The following MCC variants were observed in gnomAD, a reference collection of about 807,000 sequenced individuals.
MCC encodes MCC regulator of Wnt signaling pathway, also known as colorectal mutant cancer protein.
A neutral mutation model predicts 116.2 loss-of-function variants in MCC; 90 were observed. The ratio of observed to expected loss-of-function variants is 0.77; its 90% CI spans 0.65 to 0.92. The LOEUF (loss-of-function observed/expected upper bound fraction) is 0.92, where lower values mean the gene tolerates loss of function less well. MCC is among the 40% of genes least tolerant of loss of function. The pLI is 0.00. For synonymous variants in MCC, 578 were observed against 510.5 expected, an observed-to-expected ratio of 1.13 and a Z score of -1.78; for missense variants, 1,516 against 1,312.2, an observed-to-expected ratio of 1.16 and a Z score of -2.40.
At chr5:113,411,577 T>C (rs1769993477) in intron 1 of MCC, among the ~76,000 whole-genome samples, 1 of 151,670 alleles carries the variant, frequency 6.6e-6, no homozygotes, top group Non-Finnish European at 1.5e-5. Flanking sequence ...TTTTCAGGAG[T>C]AATTCTTAAC....
chr5:113,295,302 A>C (rs1271352838), intron 3 of MCC, among the ~76,000 whole-genome samples: 2 of 152,184 alleles, frequency 1.3e-5, no homozygotes, highest in African/African-American at 4.8e-5. Context: ...ACGGAACATT[A>C]AGATTTTACA....
At position 113,109,215 on chromosome 5, in the gene MCC, C is replaced by T. The variant is rs878960322; in HGVS notation, c.1028-4860G>A. Among the ~76,000 whole-genome samples, 4 of 152,164 alleles carry T rather than the reference C, an allele frequency of 2.6e-5. No homozygotes were observed. In the East Asian group the frequency reaches 5.8e-4, roughly 22 times the overall value. On this transcript the variant is annotated intron_variant, in intron 6 of 18. Coordinates refer to ENST00000408903, the MANE Select transcript of MCC (RefSeq NM_001085377.2). The stretch of plus-strand genomic sequence containing the variant: ...AGCAGTGACTCAAATAATTGTACCC[C>T]GATGTTCATAGCAGCATTATTCACA...
intron 1 of MCC, among the ~76,000 whole-genome samples, chr5:113,409,465 C>T (rs1023483458): frequency 1.3e-5 from 2 of 152,074 alleles, no homozygotes; most frequent in Non-Finnish European, 2.9e-5. Flanking sequence ...AATCCTCCTG[C>T]CTTAGCCTCC....
At chr5:113,268,802 G>C (rs1765508386) in intron 3 of MCC, among the ~76,000 whole-genome samples, 2 of 152,088 alleles carry the variant, frequency 1.3e-5, no homozygotes. Flanking sequence ...CAAGCATCTA[G>C]AATGTCCAAG....
chr5:113,484,477 A>G (rs987033952), intron 1 of MCC, among the ~76,000 whole-genome samples: 5 of 152,190 alleles, frequency 3.3e-5, no homozygotes, highest in Non-Finnish European at 7.3e-5. Flanking sequence ...GAGAAAACAG[A>G]TATGATTTCT....
chr5:113,357,380 C>A (rs961492805), intron 2 of MCC, among the ~76,000 whole-genome samples: 1 of 152,144 alleles, frequency 6.6e-6, no homozygotes, highest in South Asian at 2.1e-4. Flanking sequence ...AATTGACACC[C>A]AACCAGTGCC....
intron 3 of MCC, among the ~76,000 whole-genome samples, chr5:113,164,733 G>T (rs1398022304): frequency 1.3e-5 from 2 of 152,194 alleles, no homozygotes; most frequent in Non-Finnish European, 1.5e-5. Context: ...GGTATCCAGG[G>T]TCACACATTT....
At chr5:113,255,998 C>A (rs1369987720) in intron 3 of MCC, among the ~76,000 whole-genome samples, 2 of 152,228 alleles carry the variant, frequency 1.3e-5, no homozygotes, top group Non-Finnish European at 2.9e-5. Context: ...CCAACAAACT[C>A]TTATTCACTG....
intron 3 of MCC, among the ~76,000 whole-genome samples, chr5:113,281,130 G>T (rs1002503628): frequency 6.6e-6 from 1 of 152,192 alleles, no homozygotes; most frequent in Non-Finnish European, 1.5e-5. Context: ...AATAAAAAAG[G>T]TAGCTATAAA....
At chr5:113,448,413 G>T (rs573805866) in intron 1 of MCC, 1 of 151,946 alleles carries the variant, frequency 6.6e-6, no homozygotes, top group African/African-American at 2.4e-5. Context: ...TAAACACTTT[G>T]TTTAAATATT....
chr5:113,088,745 T>G (rs954653256), intron 8 of MCC, among the ~76,000 whole-genome samples: 5 of 152,116 alleles, frequency 3.3e-5, no homozygotes, highest in African/African-American at 1.2e-4. Flanking sequence ...TGCTAACACC[T>G]TGAGTTTGGA....
At chr5:113,261,283 G>A (rs1261778263) in intron 3 of MCC, among the ~76,000 whole-genome samples, 1 of 152,098 alleles carries the variant, frequency 6.6e-6, no homozygotes, top group African/African-American at 2.4e-5. Context: ...ACTGAATACT[G>A]TATTAGAAGT....
In MCC at chr5:113,319,478, TC is replaced by T. The variant is rs780923146; in HGVS notation, c.627+21040del. ...TGTGCCACCTGTATTCACTGTGTCT[TC>T]CACCTGTGGCATGCTGGCCTTGTTT... On this transcript the variant is annotated intron_variant, in intron 3 of 18. Coordinates refer to ENST00000408903, the MANE Select transcript of MCC (RefSeq NM_001085377.2). Among the ~76,000 whole-genome samples the T allele has an allele frequency of 7.9e-5, 12 of 152,290 alleles. No homozygotes were observed. In the South Asian group the frequency reaches 2.3e-3, roughly 29 times the overall value.
chr5:113,127,266 G>C (rs775612858), intron 5 of MCC, among the ~76,000 whole-genome samples: 1 of 152,162 alleles, frequency 6.6e-6, no homozygotes, highest in Non-Finnish European at 1.5e-5. Flanking sequence ...GGGCATTTAG[G>C]TTGATTCCAT....
chr5:113,105,989 A>G (rs1414657110), intron 6 of MCC, among the ~76,000 whole-genome samples: 1 of 152,152 alleles, frequency 6.6e-6, no homozygotes, highest in Admixed American at 6.5e-5. Context: ...GACCAATTAA[A>G]TCACAATCTC....
At chr5:113,264,894 T>C (rs1464846769) in intron 3 of MCC, among the ~76,000 whole-genome samples, 1 of 151,948 alleles carries the variant, frequency 6.6e-6, no homozygotes, top group Admixed American at 6.6e-5. Context: ...ATACAAAAAT[T>C]AGCCAGGTGT....
intron 3 of MCC, among the ~76,000 whole-genome samples, chr5:113,167,408 C>A (rs1481352971): frequency 6.6e-6 from 1 of 152,082 alleles, no homozygotes. Flanking sequence ...CTGAGGGCTA[C>A]CCGGAAAAGT....
chr5:113,453,417 T>C (rs1359422659), intron 1 of MCC, among the ~76,000 whole-genome samples: 2 of 152,146 alleles, frequency 1.3e-5, no homozygotes, highest in Non-Finnish European at 2.9e-5. Context: ...CACAAATCTC[T>C]TGAAGTGACC....
intron 7 of MCC, among the ~76,000 whole-genome samples, chr5:113,102,770 CAA>C (rs1411134527): frequency 6.6e-6 from 1 of 151,998 alleles, no homozygotes; most frequent in African/African-American, 2.4e-5. Flanking sequence ...GATAATGAAA[CAA>C]GAGGGAGAAT....
Sources: gnomAD v4.1 joint callset for allele counts (sites outside exome capture counted in the v4.1 genomes callset) on GRCh38, gnomAD v4.1.1 for gene constraint, MANE v1.5 for transcripts, NCBI Gene and HGNC (gene_info 2026-07-23, HGNC 2026-07-21) for gene names.